The following RP1 variants were observed in gnomAD, a reference collection of about 807,000 sequenced individuals.
RP1 encodes oxygen-regulated protein 1.
In RP1, 16 loss-of-function variants were observed where a neutral mutation model predicts 14.8. The observed-to-expected ratio is 1.08, with a 90% CI of 0.73 to 1.65. RP1 has a LOEUF of 1.65. Among genes scored for constraint, RP1 ranks in the 40% most tolerant of loss-of-function variants. The pLI, the probability that RP1 is intolerant of heterozygous loss-of-function variation, is 0.00. For synonymous variants in RP1, 876 were observed against 883.6 expected, an observed-to-expected ratio of 0.99 and a Z score of 0.15; for missense variants, 2,631 against 2,535.0, an observed-to-expected ratio of 1.04 and a Z score of -0.81.
chr8:54,676,468 G>A (rs571083052), intron 8 of RP1, among the ~76,000 whole-genome samples: 1 of 152,282 alleles, frequency 6.6e-6, no homozygotes, highest in South Asian at 2.1e-4. Flanking sequence ...CACAAAGAAA[G>A]GAAAGTCTGC....
At chr8:54,833,783 CA>C (rs754060747) in intron 24 of RP1, among the ~76,000 whole-genome samples, 22 of 151,922 alleles carry the variant, frequency 1.4e-4, no homozygotes, top group Non-Finnish European at 3.1e-4. Context: ...AATACACACA[CA>C]AGCATCAAAG....
chr8:54,605,356 A>T (rs1805405737), intron 1 of RP1, among the ~76,000 whole-genome samples: 1 of 152,152 alleles, frequency 6.6e-6, no homozygotes. Flanking sequence ...GTTTTGAGTG[A>T]GTTTCTTAAT....
intron 19 of RP1, among the ~76,000 whole-genome samples, chr8:54,746,815 C>T (rs890244477): frequency 1.8e-4 from 28 of 152,076 alleles, no homozygotes; most frequent in East Asian, 5.8e-4. Context: ...TAGGGCTCAA[C>T]GGTACTTGGT....
chr8:54,598,887 C>T (rs778307462), intron 1 of RP1, among the ~76,000 whole-genome samples: 4 of 152,168 alleles, frequency 2.6e-5, no homozygotes, highest in Non-Finnish European at 5.9e-5. Context: ...TCTCTGGTTC[C>T]TTTCAAAATT....
chr8:54,738,411 T>C (rs1303763191), intron 18 of RP1, among the ~76,000 whole-genome samples: 1 of 152,160 alleles, frequency 6.6e-6, no homozygotes, highest in East Asian at 1.9e-4. Context: ...ACCCATATTC[T>C]GTGGGCAGGT....
intron 15 of RP1, among the ~76,000 whole-genome samples, chr8:54,709,487 A>G (rs925376650): frequency 3.9e-5 from 6 of 152,158 alleles, no homozygotes; most frequent in Non-Finnish European, 5.9e-5. Context: ...AAACCCAAGT[A>G]TCACTTCTTC....
At position 54,839,765 on chromosome 8, in the gene RP1, C is replaced by T. The variant is rs114639161; in HGVS notation, c.3835+2096C>T. On this transcript the variant is annotated intron_variant, in intron 25 of 28. Coordinates refer to the RP1 transcript ENST00000637698. Reference sequence around the variant, plus strand: ...TAGAATGGCACAGAACACATGGGTACGTGCCCCCAGATACTAGTTGATTAA... The same window carrying T: ...TAGAATGGCACAGAACACATGGGTATGTGCCCCCAGATACTAGTTGATTAA... Among the ~76,000 whole-genome samples the T allele has an allele frequency of 9.9e-3, 1,504 of 152,272 alleles. 28 individuals carry two copies. Among genetic ancestry groups the T allele is most frequent in the African/African-American group, 0.034 (1,422 of 41,534 alleles).
chr8:54,578,509 A>T (rs867672522), intron 1 of RP1, among the ~76,000 whole-genome samples: 2 of 152,134 alleles, frequency 1.3e-5, no homozygotes, highest in Non-Finnish European at 2.9e-5. Flanking sequence ...CACCTGACCT[A>T]ATTTTTTAAG....
At position 54,621,382 on chromosome 8, in the gene RP1, C is replaced by T. The variant is rs375035648; in HGVS notation, c.416C>T (p.Pro139Leu). The change falls in exon 2 of 4, where the codon CCC (proline) becomes CTC (leucine). Residue 139 changes from proline to leucine, a missense_variant. Pro to Leu is a moderately conservative substitution (Grantham distance 98). Transcript: ENST00000220676. ...SSRAISAHSPPHPVAVAAPGM... is the reference protein window; with the variant it reads ...SSRAISAHSPLHPVAVAAPGM... ...CGGGCCATTAGCGCGCACTCACCGC[C>T]CCACCCCGTAGCCGTCGCTGCTCCC... 39 of 1,612,828 alleles carry T rather than the reference C, an allele frequency of 2.4e-5. No individual in the cohort carries two copies. The highest frequency in any genetic ancestry group is 2.9e-5 in the Non-Finnish European group (34 of 1,179,886).
intron 24 of RP1, among the ~76,000 whole-genome samples, chr8:54,811,391 C>T (rs563839147): frequency 1.3e-5 from 2 of 152,312 alleles, no homozygotes; most frequent in African/African-American, 4.8e-5. Context: ...ACATTTTCTG[C>T]CATCCTAGAC....
At chr8:54,662,871 T>G (rs1806931505) in intron 6 of RP1, among the ~76,000 whole-genome samples, 1 of 152,198 alleles carries the variant, frequency 6.6e-6, no homozygotes, top group East Asian at 1.9e-4. Context: ...ATAGCTGCAT[T>G]CAGTAGGAGA....
intron 27 of RP1, chr8:54,865,735 G>A (rs1287444490): frequency 7.1e-6 from 3 of 425,396 alleles, no homozygotes; most frequent in Admixed American, 4.4e-5. Flanking sequence ...CTTGACATGT[G>A]TACTTAAAAA....
chr8:54,690,395 G>A (rs1163207733), intron 12 of RP1, among the ~76,000 whole-genome samples: 1 of 151,966 alleles, frequency 6.6e-6, no homozygotes, highest in East Asian at 1.9e-4. Flanking sequence ...CTACTGCCCA[G>A]TTCTTACCAC....
At chr8:54,738,719 C>A (rs1186333662) in intron 18 of RP1, among the ~76,000 whole-genome samples, 1 of 152,072 alleles carries the variant, frequency 6.6e-6, no homozygotes, top group East Asian at 1.9e-4. Flanking sequence ...ACTCCTTCTG[C>A]ATATTTTTAG....
chr8:54,627,720 T>G lies in RP1; in HGVS notation c.3838T>G (p.Phe1280Val), dbSNP rs200384647. 301 of 1,614,144 alleles carry G rather than the reference T, an allele frequency of 1.9e-4. No homozygotes were observed. The highest frequency in any genetic ancestry group is 1.7e-4 in the Non-Finnish European group (199 of 1,179,974). The change falls in exon 4 of 4, where the codon TTT becomes GTT. Residue 1280 changes from phenylalanine (F) to valine (V), a missense_variant. Physicochemically the swap from Phe to Val is conservative, Grantham distance 50. Coordinates refer to ENST00000220676, the MANE Select transcript of RP1 (RefSeq NM_006269.2). Reference sequence around the variant, plus strand: ...AGAGACATGTAACCCCAGTGACACTTTTTTTCCTAGTGATGGTTATGGTGT... The same window carrying G: ...AGAGACATGTAACCCCAGTGACACTGTTTTTCCTAGTGATGGTTATGGTGT... ...PKETCNPSDT[F>V]FPSDGYGVDQ...
chr8:54,865,741 A>T (rs1322259930), intron 27 of RP1: 1 of 443,956 alleles, frequency 2.3e-6, no homozygotes, highest in African/African-American at 2.0e-5. Context: ...ATGTGTACTT[A>T]AAAAGGAACA....
At chr8:54,660,805 G>T (rs1472974575) in intron 6 of RP1, among the ~76,000 whole-genome samples, 2 of 151,864 alleles carry the variant, frequency 1.3e-5, no homozygotes, top group African/African-American at 4.8e-5. Context: ...AGAACCCTGG[G>T]TAAATATGTC....
intron 3 of RP1, among the ~76,000 whole-genome samples, chr8:54,624,121 A>T (rs1219865103): frequency 2.0e-5 from 3 of 152,196 alleles, no homozygotes; most frequent in African/African-American, 7.2e-5. Context: ...TACCACTGTT[A>T]TAGTAGGTTT....
intron 1 of RP1, among the ~76,000 whole-genome samples, chr8:54,605,289 G>A (rs1161993223): frequency 1.3e-5 from 2 of 152,242 alleles, no homozygotes; most frequent in Non-Finnish European, 2.9e-5. Context: ...CCTTCATTTC[G>A]TTATGCACCC....
Sources: allele counts gnomAD v4.1 joint callset (sites outside exome capture counted in the v4.1 genomes callset), GRCh38; gene constraint gnomAD v4.1.1; transcripts MANE v1.5; gene names NCBI Gene and HGNC (gene_info 2026-07-23, HGNC 2026-07-21).